TYW1: variants seen among roughly 807,000 people sequenced by gnomAD.
TYW1 encodes the protein tRNA-yW synthesizing protein 1 homolog.
A neutral mutation model predicts 96.2 loss-of-function variants in TYW1; 46 were observed. The ratio of observed to expected loss-of-function variants is 0.48; its 90% CI spans 0.38 to 0.61. TYW1 has a LOEUF of 0.61. Ranked by LOEUF, TYW1 falls within the 20% of genes least tolerant of loss-of-function variation. The pLI is 0.00. For missense variants in TYW1, 684 were observed against 909.6 expected (o/e 0.75, Z 3.19); for synonymous variants, 274 against 323.0 (o/e 0.85, Z 1.63).
intron 3 of TYW1, among the ~76,000 whole-genome samples, chr7:67,006,518 C>T (rs956365170): frequency 5.6e-5 from 8 of 143,468 alleles, no homozygotes; most frequent in East Asian, 2.0e-4. Context: ...CGGCTCACTG[C>T]GGCCTCTGCC....
At chr7:67,216,675 C>T (rs1374833276) in intron 15 of TYW1, among the ~76,000 whole-genome samples, 1 of 137,444 alleles carries the variant, frequency 7.3e-6, no homozygotes, top group Non-Finnish European at 1.6e-5. Context: ...ATATTTTACT[C>T]TACCTCTTTT....
chr7:67,117,716 T>A (rs1240891619), intron 13 of TYW1, 98 bp downstream of exon 13: 11 of 1,325,122 alleles, frequency 8.3e-6, no homozygotes, highest in Non-Finnish European at 1.1e-5. Context: ...GAGGTACTTT[T>A]TCCTCTTTTC....
At position 66,998,974 on chromosome 7, in the gene TYW1, C is replaced by G. The variant is rs1324902635; in HGVS notation, c.273+20C>G. On this transcript the variant is annotated intron_variant, in intron 3 of 15. Coordinates refer to ENST00000359626, the MANE Select transcript of TYW1 (RefSeq NM_018264.4). ...GCGAAGGTAAGAAATTTATATGATG[C>G]TTTTCCTTTGGTTTCCTGACATTTT... The G allele has an allele frequency of 6.2e-7, 1 of 1,612,694 alleles. No individual in the cohort carries two copies. The highest frequency in any genetic ancestry group is 1.3e-5 in the African/African-American group (1 of 74,936).
intron 15 of TYW1, among the ~76,000 whole-genome samples, chr7:67,220,085 C>T (rs1414307588): frequency 2.0e-5 from 3 of 150,146 alleles, no homozygotes; most frequent in Admixed American, 6.6e-5. Flanking sequence ...TTTCATTAGT[C>T]TGTAAGCATT....
intron 15 of TYW1, among the ~76,000 whole-genome samples, chr7:67,208,048 G>C (rs1800869444): frequency 6.6e-6 from 1 of 152,112 alleles, no homozygotes; most frequent in African/African-American, 2.4e-5. Flanking sequence ...ATACCCTCTG[G>C]CTGGTGTGGT....
chr7:67,213,347 A>G (rs1301757206), intron 15 of TYW1, among the ~76,000 whole-genome samples: 1 of 152,026 alleles, frequency 6.6e-6, no homozygotes, highest in Admixed American at 6.6e-5. Flanking sequence ...TTTAGTTGAG[A>G]CGGGGTTTCA....
At chr7:67,101,915 A>G (rs1221441231) in intron 12 of TYW1, among the ~76,000 whole-genome samples, 1 of 152,240 alleles carries the variant, frequency 6.6e-6, no homozygotes, top group Non-Finnish European at 1.5e-5. Flanking sequence ...TTGAAGTTGT[A>G]TAAAAAGGTG....
At chr7:67,135,610 T>G (rs1309100294) in intron 13 of TYW1, among the ~76,000 whole-genome samples, 1 of 88,222 alleles carries the variant, frequency 1.1e-5, no homozygotes, top group East Asian at 2.2e-4. Flanking sequence ...GCCAACAGTT[T>G]TTTTTTTTTT....
At chr7:67,188,060 C>T (rs1205733914) in intron 14 of TYW1, among the ~76,000 whole-genome samples, 1 of 152,218 alleles carries the variant, frequency 6.6e-6, no homozygotes, top group Non-Finnish European at 1.5e-5. Flanking sequence ...ATGGCTCATG[C>T]CTGTAATCCC....
chr7:67,135,940 T>C (rs1254635465), intron 13 of TYW1, among the ~76,000 whole-genome samples: 1 of 152,238 alleles, frequency 6.6e-6, no homozygotes, highest in East Asian at 1.9e-4. Flanking sequence ...CTAACATCTG[T>C]TAAACAACCT....
chr7:67,205,354 C>A (rs1001388470), intron 15 of TYW1, among the ~76,000 whole-genome samples: 5 of 151,992 alleles, frequency 3.3e-5, no homozygotes, highest in African/African-American at 1.2e-4. Context: ...ACTGTTCCCC[C>A]CTTAGACTCC....
intron 11 of TYW1, among the ~76,000 whole-genome samples, chr7:67,096,547 A>G (rs1164794960): frequency 6.6e-6 from 1 of 152,044 alleles, no homozygotes; most frequent in East Asian, 1.9e-4. Context: ...ATTTAGAACT[A>G]TCAGGAGTCA....
rs377688550 is a variant in TYW1, at chr7:67,029,143, C to T, written c.984+4121C>T. The stretch of plus-strand genomic sequence containing the variant: ...CCTCCCGAGTAGCTGGGACTACAGG[C>T]GCCTGCCACTGCGCCCAGCTAATTT... On this transcript the variant is annotated intron_variant, in intron 7 of 15. Coordinates refer to ENST00000359626, the MANE Select transcript of TYW1 (RefSeq NM_018264.4). 9.9e-5 allele frequency among the ~76,000 whole-genome samples: 15 copies of T among 151,736 alleles called. No individual in the cohort carries two copies. In the East Asian group the frequency reaches 1.2e-3, roughly 12 times the overall value.
At chr7:67,055,769 TAA>T in intron 8 of TYW1, 64 bp from the exon 9 acceptor site, 2 of 1,416,030 alleles carry the variant, frequency 1.4e-6, no homozygotes, top group Non-Finnish European at 1.9e-6. Context: ...TGCTAAATTT[TAA>T]AGTCACTTTT....
intron 15 of TYW1, among the ~76,000 whole-genome samples, chr7:67,212,866 TTTTA>T (rs1238889931): frequency 3.3e-5 from 5 of 152,036 alleles, no homozygotes; most frequent in African/African-American, 1.2e-4. Context: ...GTTGGTTTAT[TTTTA>T]TTTATTTATT....
intron 6 of TYW1, among the ~76,000 whole-genome samples, chr7:67,019,141 G>A (rs1794138391): frequency 2.0e-5 from 3 of 152,216 alleles, no homozygotes; most frequent in Admixed American, 2.0e-4. Flanking sequence ...CCTTCCCCGT[G>A]TCTGCTGCTG....
Position 67,059,104 on chromosome 7 carries a change from T to G in TYW1, c.1155+3217T>G, listed in dbSNP as rs1027893992. 2.7e-5 allele frequency among the ~76,000 whole-genome samples: 4 copies of G among 149,902 alleles called. No individual in the cohort carries two copies. The East Asian group carries it at 5.9e-4, about 22-fold the overall frequency. ...AAGTCAATGAAGACAAAGTTTTTTTTTTTTTTTTTTTTTGAGACAGGGTCT... is the reference window on the plus strand; with the variant it reads ...AAGTCAATGAAGACAAAGTTTTTTTGTTTTTTTTTTTTTGAGACAGGGTCT... On this transcript the variant is annotated intron_variant, in intron 9 of 15. Coordinates refer to ENST00000359626, the MANE Select transcript of TYW1 (RefSeq NM_018264.4).
rs1330587362 is a variant in TYW1, at chr7:67,238,263, TAGGGA to T, written c.1978-44_1978-40del. 19 of 1,561,158 alleles carry T rather than the reference TAGGGA, an allele frequency of 1.2e-5. No homozygotes were observed. In the Admixed American group the frequency reaches 2.0e-4, roughly 17 times the overall value. On this transcript the variant is annotated intron_variant, in intron 15 of 15. Transcript: ENST00000359626. Reference sequence around the variant, plus strand: ...TTTAAAAACATTCATTTTTTTTTTCTAGGGATGTTTTTACTTCTGACTTGACACAT... The same window carrying T: ...TTTAAAAACATTCATTTTTTTTTTCTTGTTTTTACTTCTGACTTGACACAT...
chr7:67,131,359 T>A (rs1258319482), intron 13 of TYW1, among the ~76,000 whole-genome samples: 1 of 152,234 alleles, frequency 6.6e-6, no homozygotes, highest in Admixed American at 6.5e-5. Context: ...ATTTTATACA[T>A]ATGAAAAGAT....
Sources: allele counts gnomAD v4.1 joint callset (sites outside exome capture counted in the v4.1 genomes callset), GRCh38; gene constraint gnomAD v4.1.1; transcripts MANE v1.5; gene names NCBI Gene and HGNC (gene_info 2026-07-23, HGNC 2026-07-21).